The following SULF1 variants were observed in gnomAD, a reference collection of about 807,000 sequenced individuals.
SULF1 encodes sulfatase 1, also known as extracellular sulfatase Sulf-1.
SULF1 carries 46 observed loss-of-function variants against 110.5 expected under a neutral mutation model. The ratio of observed to expected loss-of-function variants is 0.42; its 90% confidence interval spans 0.33 to 0.53. SULF1 has a LOEUF of 0.53. SULF1 is among the 20% of genes least tolerant of loss of function. SULF1 has a pLI of 0.12. For missense variants in SULF1, 941 were observed against 1,094.2 expected, an observed-to-expected ratio of 0.86 and a Z score of 1.98; for synonymous variants, 371 against 387.1, an observed-to-expected ratio of 0.96 and a Z score of 0.49.
At chr8:69,502,684 T>C (rs60971452) in intron 3 of SULF1, among the ~76,000 whole-genome samples, 44,130 of 141,900 alleles carry the variant, frequency 0.31, 7,298 homozygotes, top group Non-Finnish European at 0.36. Flanking sequence ...CTTTTTCTTT[T>C]TTTTTCTTTT....
chr8:69,619,597 G>T (rs1461850479), intron 13 of SULF1, among the ~76,000 whole-genome samples: 2 of 152,238 alleles, frequency 1.3e-5, no homozygotes, highest in African/African-American at 4.8e-5. Flanking sequence ...GTCTAGAAAA[G>T]TCAGTGCAAG....
rs765761346 is a variant in SULF1 at position 69,589,141 on chromosome 8, T to C, written c.734T>C (p.Ile245Thr). ...SKLYPNASQH[I>T]TPSYNYAPNM... ...CTGTACCCCAATGCTTCCCAACACA[T>C]GTAAGTAACAAACTCAACTCTGCGA... The change falls in exon 8 of 23, where the codon ATA becomes ACA. Residue 245 changes from isoleucine (I) to threonine (T), a missense_variant and splice_region_variant. This residue lies in a region of SULF1 where 822 missense variants were observed against 934.3 expected (regional missense o/e 0.88). Coordinates refer to ENST00000402687, the MANE Select transcript of SULF1 (RefSeq NM_001128205.2). 6.2e-7 allele frequency: 1 copy of C among 1,612,384 alleles called. No individual in the cohort carries two copies.
At chr8:69,523,291 C>G (rs1306558893) in intron 3 of SULF1, among the ~76,000 whole-genome samples, 1 of 152,112 alleles carries the variant, frequency 6.6e-6, no homozygotes, top group Non-Finnish European at 1.5e-5. Flanking sequence ...TGTGGAAGTT[C>G]TCCTCCAGTT....
At chr8:69,524,243 T>C (rs1812516223) in intron 3 of SULF1, among the ~76,000 whole-genome samples, 2 of 152,116 alleles carry the variant, frequency 1.3e-5, no homozygotes, top group South Asian at 2.1e-4. Flanking sequence ...TCATCCATTC[T>C]TGCCTTGCTA....
intron 3 of SULF1, among the ~76,000 whole-genome samples, chr8:69,518,826 T>C (rs1289894989): frequency 2.6e-5 from 4 of 152,216 alleles, no homozygotes; most frequent in African/African-American, 9.6e-5. Flanking sequence ...GTAGTCTTAC[T>C]CTACATATCT....
At chr8:69,476,367 C>T (rs1023864297) in intron 1 of SULF1, among the ~76,000 whole-genome samples, 2 of 152,110 alleles carry the variant, frequency 1.3e-5, no homozygotes, top group Non-Finnish European at 1.5e-5. Flanking sequence ...ATTCTCTAGT[C>T]AAGTCTTCCT....
intron 3 of SULF1, among the ~76,000 whole-genome samples, chr8:69,558,636 GA>G (rs1815272420): frequency 1.3e-5 from 2 of 152,052 alleles, no homozygotes; most frequent in Admixed American, 1.3e-4. Context: ...AGGCTTTAAG[GA>G]AAAAAAGTAA....
At chr8:69,468,695 C>T (rs765944531) in intron 1 of SULF1, among the ~76,000 whole-genome samples, 5 of 152,148 alleles carry the variant, frequency 3.3e-5, no homozygotes, top group Non-Finnish European at 7.3e-5. Flanking sequence ...GCTAATATCT[C>T]GTGTTGTATC....
intron 3 of SULF1, among the ~76,000 whole-genome samples, chr8:69,526,798 A>AAATG (rs1554570853): frequency 2.7e-5 from 3 of 112,198 alleles, no homozygotes; most frequent in Admixed American, 2.0e-4. Context: ...GTCAAGAAAG[A>AAATG]AAGGAAGGAA....
intron 3 of SULF1, among the ~76,000 whole-genome samples, chr8:69,540,081 C>T (rs1177063724): frequency 6.6e-6 from 1 of 152,120 alleles, no homozygotes; most frequent in African/African-American, 2.4e-5. Context: ...GAAAAGGAGA[C>T]AGAATCGAGA....
At chr8:69,500,801 G>A (rs946899922) in intron 2 of SULF1, among the ~76,000 whole-genome samples, 7 of 152,108 alleles carry the variant, frequency 4.6e-5, no homozygotes, top group African/African-American at 1.4e-4. Flanking sequence ...AACTAGCGGC[G>A]GCGGAGTTTC....
intron 1 of SULF1, among the ~76,000 whole-genome samples, chr8:69,493,823 A>G (rs1810125776): frequency 6.6e-6 from 1 of 152,242 alleles, no homozygotes; most frequent in Admixed American, 6.5e-5. Flanking sequence ...CCTGTTATCA[A>G]ACTATGTGTC....
At position 69,659,685 on chromosome 8, in the gene SULF1, C is replaced by A. The variant is rs1041107022; in HGVS notation, c.*1150C>A. On this transcript the variant is annotated 3_prime_UTR_variant, in exon 23 of 23. Transcript: ENST00000402687. ...CTTTCTGAGTGTCTAAAACTTGACA[C>A]CCCTGGTAAATCTTTCAACACACTT... 1 of 154,966 alleles carries A rather than the reference C, an allele frequency of 6.5e-6. No individual in the cohort carries two copies. The highest frequency in any genetic ancestry group is 6.3e-5 in the Admixed American group (1 of 15,834). 9.6% of individuals were successfully genotyped at this position (154,966 alleles called of 1,614,324 possible). A position where few individuals can be genotyped will look rare whatever the true frequency, so the allele number is the denominator to read the frequency against.
At chr8:69,640,947 T>C (rs1424308077) in intron 22 of SULF1, 106 bp downstream of exon 22, 2 of 971,028 alleles carry the variant, frequency 2.1e-6, no homozygotes, top group South Asian at 1.8e-5. Flanking sequence ...AGAGCAAAGC[T>C]GGGGGTGCAT....
At chr8:69,638,474 T>C in intron 19 of SULF1, 28 bp from the exon 20 acceptor site, 1 of 1,604,794 alleles carries the variant, frequency 6.2e-7, no homozygotes, top group Non-Finnish European at 8.5e-7. Flanking sequence ...CTTTTTGTTT[T>C]GTTGTGTTTT....
intron 3 of SULF1, among the ~76,000 whole-genome samples, chr8:69,543,449 C>T (rs1814001245): frequency 6.6e-6 from 1 of 152,064 alleles, no homozygotes; most frequent in African/African-American, 2.4e-5. Context: ...GCTCAGCTCC[C>T]ACTTATAAGT....
chr8:69,565,375 AT>A (rs1400739945), intron 5 of SULF1, among the ~76,000 whole-genome samples: 1 of 152,146 alleles, frequency 6.6e-6, no homozygotes, highest in Non-Finnish European at 1.5e-5. Context: ...AGAGCAAGTA[AT>A]TTTAGCTTTT....
At chr8:69,516,660 C>G (rs1811941565) in intron 3 of SULF1, among the ~76,000 whole-genome samples, 1 of 152,152 alleles carries the variant, frequency 6.6e-6, no homozygotes, top group African/African-American at 2.4e-5. Flanking sequence ...TTTTCTTATT[C>G]AAGCTGACCC....
At chr8:69,540,704 C>T (rs1307064499) in intron 3 of SULF1, among the ~76,000 whole-genome samples, 1 of 152,174 alleles carries the variant, frequency 6.6e-6, no homozygotes, top group Non-Finnish European at 1.5e-5. Context: ...GATGTTCTTG[C>T]TGTAGGATCA....
Sources: allele counts gnomAD v4.1 joint callset (sites outside exome capture counted in the v4.1 genomes callset), GRCh38; gene constraint gnomAD v4.1.1; regional missense constraint gnomAD v4.1.1; transcripts MANE v1.5; gene names NCBI Gene and HGNC (gene_info 2026-07-23, HGNC 2026-07-21).